The following RP1 variants were observed in gnomAD, a reference collection of about 807,000 sequenced individuals.
RP1 encodes RP1 axonemal microtubule associated.
In RP1, 16 loss-of-function variants were observed where a neutral mutation model predicts 14.8. The observed-to-expected ratio is 1.08, with a 90% CI of 0.73 to 1.65. RP1 has a LOEUF of 1.65. RP1 is among the 40% of genes most tolerant of loss of function. RP1 has a pLI of 0.00. For synonymous variants in RP1, 876 were observed against 883.6 expected (o/e 0.99, Z 0.15); for missense variants, 2,631 against 2,535.0 (o/e 1.04, Z -0.81).
intron 17 of RP1, chr8:54,734,416 A>G: frequency 6.8e-6 from 5 of 739,064 alleles, no homozygotes; most frequent in South Asian, 2.1e-5. Context: ...GAGTCTTCAC[A>G]GTGCAGTGCC....
intron 21 of RP1, among the ~76,000 whole-genome samples, chr8:54,757,597 C>A (rs981356805): frequency 1.6e-4 from 24 of 152,138 alleles, no homozygotes; most frequent in African/African-American, 5.8e-4. Flanking sequence ...CAGAGAAACT[C>A]TGTGAAACAT....
At chr8:54,724,363 T>C (rs1014522928) in intron 16 of RP1, among the ~76,000 whole-genome samples, 1 of 152,190 alleles carries the variant, frequency 6.6e-6, no homozygotes, top group African/African-American at 2.4e-5. Flanking sequence ...TTTTCCTAGT[T>C]GATTTTGTAG....
At chr8:54,594,712 AAC>A (rs1305879179) in intron 1 of RP1, among the ~76,000 whole-genome samples, 21 of 152,346 alleles carry the variant, frequency 1.4e-4, no homozygotes, top group African/African-American at 3.4e-4. Context: ...AAAGAATTGA[AAC>A]ACAGAATTCT....
At chr8:54,623,084 T>C (rs2129315139) in intron 3 of RP1, among the ~76,000 whole-genome samples, 1 of 152,344 alleles carries the variant, frequency 6.6e-6, no homozygotes, top group Non-Finnish European at 1.5e-5. Context: ...TCTCTACTTA[T>C]TGCTAATGTG....
chr8:54,710,911 G>T (rs1808280762), intron 15 of RP1, among the ~76,000 whole-genome samples: 1 of 152,180 alleles, frequency 6.6e-6, no homozygotes, highest in African/African-American at 2.4e-5. Flanking sequence ...AAACAATCAG[G>T]AGAGAGCCGA....
exon 7 of RP1, chr8:54,663,772 T>C (rs1166426667): frequency 1.3e-6 from 2 of 1,535,200 alleles, no homozygotes; most frequent in Admixed American, 2.0e-5. Flanking sequence ...TCTACATTTC[T>C]ATCCATGGGG....
intron 19 of RP1, among the ~76,000 whole-genome samples, chr8:54,740,333 C>T (rs1809044838): frequency 7.0e-6 from 1 of 143,736 alleles, no homozygotes; most frequent in African/African-American, 2.6e-5. Context: ...TATGGGTGAA[C>T]CTGACATTGT....
At chr8:54,808,639 A>G (rs540514832) in intron 24 of RP1, among the ~76,000 whole-genome samples, 1 of 152,330 alleles carries the variant, frequency 6.6e-6, no homozygotes, top group East Asian at 1.9e-4. Context: ...TCACTTGACC[A>G]TTATTTTACC....
chr8:54,788,263 C>A (rs1013890522), intron 24 of RP1, among the ~76,000 whole-genome samples: 1 of 152,126 alleles, frequency 6.6e-6, no homozygotes, highest in African/African-American at 2.4e-5. Context: ...TGAGCTAGAG[C>A]AAGTCAGTTG....
chr8:54,591,216 A>T (rs1490755287), intron 1 of RP1, among the ~76,000 whole-genome samples: 1 of 152,220 alleles, frequency 6.6e-6, no homozygotes, highest in Non-Finnish European at 1.5e-5. Context: ...ACCTTAAAAA[A>T]GTACAATCTA....
intron 1 of RP1, among the ~76,000 whole-genome samples, chr8:54,573,013 C>T (rs1183986710): frequency 1.3e-5 from 2 of 152,158 alleles, no homozygotes; most frequent in Non-Finnish European, 1.5e-5. Flanking sequence ...AAAAATCTTA[C>T]TAATAATAGT....
chr8:54,839,049 CATT>C (rs1811732043), intron 25 of RP1, among the ~76,000 whole-genome samples: 1 of 152,168 alleles, frequency 6.6e-6, no homozygotes, highest in Admixed American at 6.5e-5. Context: ...CCATCATCAT[CATT>C]ATTAAATATT....
At chr8:54,830,937 T>C (rs1313811991) in intron 24 of RP1, among the ~76,000 whole-genome samples, 2 of 152,154 alleles carry the variant, frequency 1.3e-5, no homozygotes, top group African/African-American at 2.4e-5. Flanking sequence ...ATATTTTATA[T>C]CAATGGGTTC....
intron 26 of RP1, among the ~76,000 whole-genome samples, chr8:54,853,925 G>GGA (rs148371378): frequency 2.1e-5 from 3 of 140,778 alleles, no homozygotes; most frequent in Admixed American, 7.2e-5. Context: ...AAGAAAAAAG[G>GGA]GAGAGAGAGA....
intron 11 of RP1, chr8:54,679,794 T>C: frequency 1.3e-6 from 2 of 1,534,652 alleles, no homozygotes; most frequent in Non-Finnish European, 1.7e-6. Context: ...TGCTTTGTTT[T>C]TCTTTTTAGT....
intron 15 of RP1, among the ~76,000 whole-genome samples, chr8:54,713,798 C>A (rs1275595622): frequency 1.3e-5 from 2 of 152,118 alleles, no homozygotes; most frequent in Non-Finnish European, 2.9e-5. Flanking sequence ...AAAACTTGAT[C>A]TGAATAAAAT....
chr8:54,868,913 G>C (rs1174134910), intron 28 of RP1, among the ~76,000 whole-genome samples: 1 of 152,116 alleles, frequency 6.6e-6, no homozygotes, highest in Non-Finnish European at 1.5e-5. Flanking sequence ...GTTACATTTT[G>C]TGTTGTGGGA....
intron 1 of RP1, among the ~76,000 whole-genome samples, chr8:54,576,836 G>A (rs1161977524): frequency 6.6e-6 from 1 of 152,122 alleles, no homozygotes; most frequent in East Asian, 1.9e-4. Flanking sequence ...GAATATGTTG[G>A]TTGGCAATTC....
chr8:54,618,008 ACACTC>A (rs1286266210), intron 1 of RP1, among the ~76,000 whole-genome samples: 1 of 152,200 alleles, frequency 6.6e-6, no homozygotes, highest in East Asian at 1.9e-4. Context: ...CAGAATCTCA[ACACTC>A]TACCTAAAAG....
Sources: allele counts gnomAD v4.1 joint callset (sites outside exome capture counted in the v4.1 genomes callset), GRCh38; gene constraint gnomAD v4.1.1; transcripts MANE v1.5; gene names NCBI Gene and HGNC (gene_info 2026-07-23, HGNC 2026-07-21).